Variants in CEMIP observed in about 807,000 individuals in gnomAD.
CEMIP encodes cell migration inducing hyaluronidase 1.
Under a neutral mutation model 156.9 loss-of-function variants are expected in CEMIP, and 105 were observed. That is an observed-to-expected ratio of 0.67 (90% CI 0.57 to 0.79). CEMIP has a LOEUF of 0.79. Among genes scored for constraint, CEMIP ranks in the 30% least tolerant of loss-of-function variants. CEMIP has a pLI of 0.00. For missense variants in CEMIP, 1,457 were observed against 1,769.4 expected (o/e 0.82, Z 3.17); for synonymous variants, 676 against 668.4 (o/e 1.01, Z -0.17).
intron 12 of CEMIP, among the ~76,000 whole-genome samples, chr15:80,900,588 GTGTGTGTGTGTGTGTGTGTGTGT>G (rs1899447899): frequency 5.3e-5 from 3 of 56,924 alleles, no homozygotes; most frequent in African/African-American, 1.9e-4. Context: ...AGGTAGGGGT[GTGTGTGTGTGTGTGTGTGTGTGT>G]GTGTGTGTGT....
At chr15:80,913,880 C>T (rs1053943017) in intron 14 of CEMIP, among the ~76,000 whole-genome samples, 1 of 152,258 alleles carries the variant, frequency 6.6e-6, no homozygotes, top group African/African-American at 2.4e-5. Context: ...AATAAAAATA[C>T]ATGCTTAGCT....
chr15:80,841,945 A>G lies in CEMIP; in HGVS notation c.-175-31593A>G, dbSNP rs184447697. On this transcript the variant is annotated intron_variant, in intron 1 of 29. Coordinates refer to ENST00000394685, the MANE Select transcript of CEMIP (RefSeq NM_001293298.2). ...GATACTAATTCCTGGCGGGGATTAC[A>G]TACAAAGATGCATGGAAAATGCCTA... 102 of 286,952 alleles carry G rather than the reference A, an allele frequency of 3.6e-4. 1 individual carries two copies. The highest frequency in any genetic ancestry group is 2.1e-3 in the African/African-American group (93 of 43,402). 17.8% of individuals were successfully genotyped at this position (286,952 alleles called of 1,614,324 possible). A position where few individuals can be genotyped will look rare whatever the true frequency, so the allele number is the denominator to read the frequency against.
At chr15:80,920,342 G>A (rs767251888) in intron 15 of CEMIP, 43 bp downstream of exon 15, 1 of 1,545,744 alleles carries the variant, frequency 6.5e-7, no homozygotes, top group Non-Finnish European at 8.9e-7. Context: ...GGGAAGGGGT[G>A]TACATGTGTG....
chr15:80,925,905 A>C, intron 19 of CEMIP, 150 bp downstream of exon 19: 2 of 1,234,484 alleles, frequency 1.6e-6, no homozygotes, highest in South Asian at 1.6e-5. Context: ...AGGGGCATAG[A>C]ATGGCAGCAG....
At chr15:80,841,021 G>A (rs1040557469) in intron 1 of CEMIP, among the ~76,000 whole-genome samples, 6 of 152,136 alleles carry the variant, frequency 3.9e-5, no homozygotes, top group African/African-American at 7.2e-5. Flanking sequence ...CTGGAGCCAC[G>A]GCCAGGGACA....
intron 1 of CEMIP, among the ~76,000 whole-genome samples, chr15:80,815,697 A>G (rs182075682): frequency 1.3e-5 from 2 of 151,974 alleles, no homozygotes; most frequent in South Asian, 4.1e-4. Flanking sequence ...TGTGCCTTTT[A>G]AAAAAAATTA....
intron 1 of CEMIP, among the ~76,000 whole-genome samples, chr15:80,867,878 G>A (rs545808690): frequency 2.6e-5 from 4 of 152,264 alleles, no homozygotes; most frequent in Admixed American, 1.3e-4. Flanking sequence ...GCAGGGGGGC[G>A]GCGTGTTTGG....
chr15:80,875,028 T>TA (rs1898426361), intron 3 of CEMIP, among the ~76,000 whole-genome samples: 1 of 131,934 alleles, frequency 7.6e-6, no homozygotes, highest in Non-Finnish European at 1.6e-5. Flanking sequence ...AGCATTTTTT[T>TA]TTTTTTTTTT....
chr15:80,842,307 A>G (rs1290811044), intron 1 of CEMIP, among the ~76,000 whole-genome samples: 4 of 152,046 alleles, frequency 2.6e-5, no homozygotes, highest in Non-Finnish European at 5.9e-5. Flanking sequence ...TTTCTCCCCC[A>G]CCAGGACCTT....
At chr15:80,905,675 G>A (rs1163773141) in intron 12 of CEMIP, among the ~76,000 whole-genome samples, 1 of 152,172 alleles carries the variant, frequency 6.6e-6, no homozygotes, top group Non-Finnish European at 1.5e-5. Context: ...ACTGGAAAAG[G>A]TCTTTTGTTT....
At chr15:80,907,371 T>A (rs1244159218) in intron 13 of CEMIP, among the ~76,000 whole-genome samples, 3 of 152,210 alleles carry the variant, frequency 2.0e-5, no homozygotes, top group Non-Finnish European at 4.4e-5. Context: ...GAGACCAGCC[T>A]GGCCACCATG....
intron 23 of CEMIP, among the ~76,000 whole-genome samples, chr15:80,934,797 G>A (rs1901054048): frequency 1.3e-5 from 2 of 152,138 alleles, no homozygotes; most frequent in South Asian, 4.1e-4. Context: ...GCATTTAGCA[G>A]GAAGAAGGAC....
At chr15:80,934,785 T>C in intron 23 of CEMIP, among the ~76,000 whole-genome samples, 1 of 152,022 alleles carries the variant, frequency 6.6e-6, no homozygotes, top group Non-Finnish European at 1.5e-5. Flanking sequence ...GTGGCAGGGC[T>C]AGCATTTAGC....
chr15:80,926,819 T>TTG (rs1555436824), intron 19 of CEMIP, among the ~76,000 whole-genome samples: 1 of 23,302 alleles, frequency 4.3e-5, no homozygotes, highest in South Asian at 2.0e-3. Flanking sequence ...ACTGAGCGGG[T>TTG]GGGGGGGGGG....
intron 1 of CEMIP, among the ~76,000 whole-genome samples, chr15:80,818,824 G>T (rs1896848781): frequency 6.6e-6 from 1 of 152,228 alleles, no homozygotes. Flanking sequence ...AAGAAGTGGG[G>T]AGTGGAAGCC....
chr15:80,854,656 A>G (rs1451978761), intron 1 of CEMIP, among the ~76,000 whole-genome samples: 1 of 152,220 alleles, frequency 6.6e-6, no homozygotes. Context: ...AGCATTTTGT[A>G]TATGTTATCT....
intron 1 of CEMIP, among the ~76,000 whole-genome samples, chr15:80,802,210 G>A (rs1896394739): frequency 6.6e-6 from 1 of 152,242 alleles, no homozygotes; most frequent in African/African-American, 2.4e-5. Flanking sequence ...GCAGTAACAA[G>A]GCACAGGGCT....
At chr15:80,887,874 C>A in intron 8 of CEMIP, 110 bp downstream of exon 8, 2 of 925,392 alleles carry the variant, frequency 2.2e-6, no homozygotes, top group South Asian at 1.4e-5. Flanking sequence ...TCCCAGCTCC[C>A]AATGTCTAGA....
chr15:80,933,575 T>C, intron 23 of CEMIP, 115 bp downstream of exon 23: 1 of 792,382 alleles, frequency 1.3e-6, no homozygotes, highest in Non-Finnish European at 2.0e-6. Flanking sequence ...ATACAGAATT[T>C]TTTTTTCTTT....
Sources: allele counts gnomAD v4.1 joint callset (sites outside exome capture counted in the v4.1 genomes callset), GRCh38; gene constraint gnomAD v4.1.1; transcripts MANE v1.5; gene names NCBI Gene and HGNC (gene_info 2026-07-23, HGNC 2026-07-21).